CFAP44: variants seen among roughly 807,000 people sequenced by gnomAD.
The protein encoded by CFAP44 is cilia- and flagella-associated protein 44.
CFAP44 carries 134 observed loss-of-function variants against 216.2 expected under a neutral mutation model. The observed-to-expected ratio is 0.62, with a 90% CI of 0.54 to 0.72. The LOEUF is 0.72. Among genes scored for constraint, CFAP44 ranks in the 30% least tolerant of loss-of-function variants. CFAP44 has a pLI of 0.00. For missense variants in CFAP44, 2,035 were observed against 2,182.1 expected, an observed-to-expected ratio of 0.93 and a Z score of 1.34; for synonymous variants, 700 against 727.6, an observed-to-expected ratio of 0.96 and a Z score of 0.61.
intron 24 of CFAP44, among the ~76,000 whole-genome samples, chr3:113,341,528 T>C (rs902624048): frequency 8.5e-5 from 13 of 152,198 alleles, no homozygotes; most frequent in African/African-American, 3.1e-4. Context: ...ATGGAATTCC[T>C]GGACCGGAAA....
chr3:113,432,692 G>A (rs1935136451), intron 2 of CFAP44, among the ~76,000 whole-genome samples: 1 of 151,904 alleles, frequency 6.6e-6, no homozygotes, highest in Non-Finnish European at 1.5e-5. Context: ...TGAAGTCCAT[G>A]CTTACTATTT....
intron 17 of CFAP44, among the ~76,000 whole-genome samples, chr3:113,375,464 T>C (rs541795834): frequency 6.6e-5 from 10 of 151,932 alleles, no homozygotes; most frequent in African/African-American, 9.7e-5. Context: ...GGATGGAAAA[T>C]CTTCTTGAAT....
At chr3:113,406,828 T>G in intron 8 of CFAP44, 99 bp downstream of exon 8, 1 of 694,580 alleles carries the variant, frequency 1.4e-6, no homozygotes, top group Non-Finnish European at 2.4e-6. Flanking sequence ...CAATAATATC[T>G]GTTATTGGCA....
At chr3:113,337,862 G>A (rs1320602222) in intron 24 of CFAP44, among the ~76,000 whole-genome samples, 1 of 151,932 alleles carries the variant, frequency 6.6e-6, no homozygotes, top group Non-Finnish European at 1.5e-5. Context: ...TAGGACCTAG[G>A]GCAAGGCAGA....
chr3:113,346,936 C>T (rs1469896215), intron 22 of CFAP44, among the ~76,000 whole-genome samples: 1 of 152,174 alleles, frequency 6.6e-6, no homozygotes, highest in Non-Finnish European at 1.5e-5. Context: ...TGAGCTATAA[C>T]ACTCACCGCG....
intron 1 of CFAP44, among the ~76,000 whole-genome samples, chr3:113,436,060 G>T (rs1935232577): frequency 1.3e-5 from 2 of 152,002 alleles, no homozygotes; most frequent in Non-Finnish European, 2.9e-5. Context: ...CCTGTAAGTA[G>T]CAAAATCTTT....
chr3:113,375,691 C>T (rs543396108), intron 17 of CFAP44, among the ~76,000 whole-genome samples: 3 of 152,244 alleles, frequency 2.0e-5, no homozygotes, highest in African/African-American at 7.2e-5. Flanking sequence ...CGTGTTGGCA[C>T]ACACCTGTAA....
chr3:113,304,932 G>T, intron 31 of CFAP44, 104 bp downstream of exon 31: 1 of 995,452 alleles, frequency 1.0e-6, no homozygotes, highest in Non-Finnish European at 1.5e-6. Context: ...TCTCAACAAA[G>T]AACCACGATT....
intron 32 of CFAP44, 135 bp downstream of exon 32, chr3:113,303,781 T>A: frequency 1.1e-6 from 1 of 908,080 alleles, no homozygotes; most frequent in East Asian, 2.7e-5. Flanking sequence ...TAGGAAGATG[T>A]TGTGGTGTTC....
At position 113,333,497 on chromosome 3, in the gene CFAP44, T is replaced by A; in HGVS notation, c.3524A>T (p.Asn1175Ile). 1.3e-6 allele frequency: 2 copies of A among 1,537,152 alleles called. No homozygotes were observed. The highest frequency in any genetic ancestry group is 1.7e-6 in the Non-Finnish European group (2 of 1,146,868). ...CTTGTAGTCTGGGGCTGTCTTCAGA[T>A]TGAAATCTCCCATATACACCTGGGC... ...KEAQVYMGDF[N>I]LKTAPDYKIP... Residue 1175 changes from asparagine to isoleucine, a missense_variant, in exon 25 of 35, where the codon AAT (asparagine) becomes ATT (isoleucine). Around this residue, in one of 3 missense-constraint regions of CFAP44, gnomAD observed 1,883 missense variants for 2,023.7 expected, o/e 0.93. Coordinates refer to ENST00000393845, the MANE Select transcript of CFAP44 (RefSeq NM_001164496.2).
At position 113,326,737 on chromosome 3, in the gene CFAP44, A is replaced by G. The variant is rs1950192610; in HGVS notation, c.4321-97T>C. 3 of 677,038 alleles carry G rather than the reference A, an allele frequency of 4.4e-6. No individual in the cohort carries two copies. The East Asian group carries it at 9.8e-5, about 22-fold the overall frequency. 41.9% of individuals were successfully genotyped at this position (677,038 alleles called of 1,614,324 possible). A position where few individuals can be genotyped will look rare whatever the true frequency, so the allele number is the denominator to read the frequency against. Reference sequence around the variant, plus strand: ...CAATACAAGGTTACAGTTTACAAATATATTTTTTAAAACTTCTTAAAAGAA... The same window carrying G: ...CAATACAAGGTTACAGTTTACAAATGTATTTTTTAAAACTTCTTAAAAGAA... On this transcript the variant is annotated intron_variant, in intron 27 of 34. Coordinates refer to ENST00000393845, the MANE Select transcript of CFAP44 (RefSeq NM_001164496.2).
chr3:113,365,966 A>C, intron 19 of CFAP44, 73 bp downstream of exon 19: 1 of 1,474,534 alleles, frequency 6.8e-7, no homozygotes, highest in Non-Finnish European at 9.1e-7. Flanking sequence ...ATTTATAACG[A>C]ATATGAACAA....
At chr3:113,342,553 T>G (rs1452253891) in intron 23 of CFAP44, among the ~76,000 whole-genome samples, 2 of 149,570 alleles carry the variant, frequency 1.3e-5, no homozygotes, top group Non-Finnish European at 3.0e-5. Context: ...GAAAGAGTGT[T>G]TGTGAGATGA....
Position 113,395,827 on chromosome 3 carries a change from C to T in CFAP44, c.1813G>A (p.Glu605Lys). 1.2e-6 allele frequency: 2 copies of T among 1,613,768 alleles called. No homozygotes were observed. Among genetic ancestry groups the T allele is most frequent in the East Asian group, 4.5e-5 (2 of 44,848 alleles). The change falls in exon 15 of 35, where the codon GAA becomes AAA. Residue 605 changes from glutamate to lysine, a missense_variant. By Grantham distance (56) the Glu-to-Lys change is moderately conservative. Around this residue, in one of 3 missense-constraint regions of CFAP44, gnomAD observed 1,883 missense variants for 2,023.7 expected, o/e 0.93. Transcript: ENST00000393845. ...KDQTVFFFEV[E>K]RDYKPIGYIN... Reference sequence around the variant, plus strand: ...TAACCAATCGGCTTATAATCCCTTTCCACTTCAAAGAAGAAAACAGTTTGA... The same window carrying T: ...TAACCAATCGGCTTATAATCCCTTTTCACTTCAAAGAAGAAAACAGTTTGA...
At chr3:113,308,017 T>C (rs1005923781) in intron 29 of CFAP44, 141 bp downstream of exon 29, 1 of 583,658 alleles carries the variant, frequency 1.7e-6, no homozygotes, top group Non-Finnish European at 2.9e-6. Context: ...TAAAAAAAGG[T>C]ATTCATTAGA....
chr3:113,344,667 T>C lies in CFAP44; in HGVS notation c.3111A>G (p.Ile1037Met). ...AAGAGGATATCTTGTGGTCACTCAG[T>C]ATGGCATGAACCACAATAGTATCAC... ...LESDTIVVHA[I>M]LSDHKISSYR... The change falls in exon 23 of 35, where the codon ATA becomes ATG. Residue 1037 changes from isoleucine to methionine, a missense_variant. Around this residue, in one of 3 missense-constraint regions of CFAP44, gnomAD observed 1,883 missense variants for 2,023.7 expected, o/e 0.93. Coordinates refer to ENST00000393845, the MANE Select transcript of CFAP44 (RefSeq NM_001164496.2). 6.5e-7 allele frequency: 1 copy of C among 1,535,614 alleles called. No individual in the cohort carries two copies. Among genetic ancestry groups the C allele is most frequent in the Admixed American group, 2.0e-5 (1 of 50,450 alleles).
In CFAP44 at chr3:113,440,658, G is replaced by T. The variant is rs536144236; in HGVS notation, c.-6+795C>A. Reference sequence around the variant, plus strand: ...TCTGTAACCCATTTTCTACACTATCGCTTGTATTTCTAAAACACAGCTTTT... The same window carrying T: ...TCTGTAACCCATTTTCTACACTATCTCTTGTATTTCTAAAACACAGCTTTT... On this transcript the variant is annotated intron_variant, in intron 1 of 34. Coordinates refer to ENST00000393845, the MANE Select transcript of CFAP44 (RefSeq NM_001164496.2). Among the ~76,000 whole-genome samples, 4 of 151,908 alleles carry T rather than the reference G, an allele frequency of 2.6e-5. No individual in the cohort carries two copies. The South Asian group carries it at 6.3e-4, about 24-fold the overall frequency.
At chr3:113,299,804 G>A (rs1400195617) in intron 32 of CFAP44, among the ~76,000 whole-genome samples, 3 of 152,152 alleles carry the variant, frequency 2.0e-5, no homozygotes, top group Non-Finnish European at 4.4e-5. Context: ...TGAGACAGGC[G>A]ATTGCTTGAG....
intron 24 of CFAP44, among the ~76,000 whole-genome samples, chr3:113,336,850 T>C (rs915717657): frequency 1.3e-5 from 2 of 151,786 alleles, no homozygotes; most frequent in African/African-American, 4.8e-5. Flanking sequence ...TATAGGTAGA[T>C]TGAGGTAAAG....
Sources: allele counts gnomAD v4.1 joint callset (sites outside exome capture counted in the v4.1 genomes callset), GRCh38; gene constraint gnomAD v4.1.1; regional missense constraint gnomAD v4.1.1; transcripts MANE v1.5; gene names NCBI Gene and HGNC (gene_info 2026-07-23, HGNC 2026-07-21).